FBN2: variants seen among roughly 807,000 people sequenced by gnomAD.
FBN2 encodes the protein fibrillin-2.
FBN2 carries 105 observed loss-of-function variants against 355.6 expected under a neutral mutation model. That is an observed-to-expected ratio of 0.30 (90% CI 0.25 to 0.35). FBN2 has a LOEUF of 0.35. FBN2 is among the 10% of genes least tolerant of loss of function. The probability of loss-of-function intolerance (pLI) is 1.00; values close to 1 mark genes in which losing one functional copy is unlikely to be tolerated. For synonymous variants in FBN2, 1,350 were observed against 1,301.2 expected, an observed-to-expected ratio of 1.04 and a Z score of -0.81; for missense variants, 3,280 against 3,758.7, an observed-to-expected ratio of 0.87 and a Z score of 3.33.
chr5:128,314,526 C>A (rs1469693535), intron 36 of FBN2, among the ~76,000 whole-genome samples: 1 of 152,002 alleles, frequency 6.6e-6, no homozygotes, highest in Non-Finnish European at 1.5e-5. Context: ...CCATGTTGGC[C>A]AGGATGGTCT....
chr5:128,399,716 C>T (rs1752745867), intron 8 of FBN2, among the ~76,000 whole-genome samples: 1 of 151,850 alleles, frequency 6.6e-6, no homozygotes, highest in Non-Finnish European at 1.5e-5. Context: ...CTTAAATATT[C>T]TTTTATTATT....
intron 4 of FBN2, among the ~76,000 whole-genome samples, chr5:128,525,094 T>C (rs1371327332): frequency 6.6e-6 from 1 of 152,172 alleles, no homozygotes; most frequent in Non-Finnish European, 1.5e-5. Flanking sequence ...TACACACGTA[T>C]GCCCAAGGCA....
intron 7 of FBN2, among the ~76,000 whole-genome samples, chr5:128,427,309 T>C (rs992252289): frequency 6.6e-6 from 1 of 152,152 alleles, no homozygotes; most frequent in African/African-American, 2.4e-5. Context: ...AAGGTAATAG[T>C]AGCTTAAAAC....
intron 59 of FBN2, among the ~76,000 whole-genome samples, chr5:128,275,603 A>C (rs1765374277): frequency 6.6e-6 from 1 of 152,152 alleles, no homozygotes; most frequent in Admixed American, 6.5e-5. Flanking sequence ...GATCTAATTT[A>C]GCTTGATAAA....
intron 3 of FBN2, among the ~76,000 whole-genome samples, 161 bp from the exon 4 acceptor site, chr5:128,528,128 T>C (rs1176877305): frequency 6.6e-6 from 1 of 152,208 alleles, no homozygotes; most frequent in East Asian, 1.9e-4. Context: ...CATCATTTCT[T>C]TATAAGTGCA....
In FBN2 at chr5:128,266,826, ATAT is replaced by A. The variant is rs1016407830; in HGVS notation, c.7961-3173_7961-3171del. Among the ~76,000 whole-genome samples, 184 of 150,724 alleles carry A rather than the reference ATAT, an allele frequency of 1.2e-3. 2 individuals carry two copies. Among genetic ancestry groups the A allele is most frequent in the African/African-American group, 4.3e-3 (177 of 41,256 alleles). On this transcript the variant is annotated intron_variant, in intron 62 of 64. Transcript: ENST00000262464. ...TATTGTAATATAATAAAATTGTTTT[ATAT>A]TATTATTATATTTATTTATTTATTT...
At chr5:128,344,861 C>G (rs947860729) in intron 24 of FBN2, among the ~76,000 whole-genome samples, 3 of 152,042 alleles carry the variant, frequency 2.0e-5, no homozygotes, top group Non-Finnish European at 2.9e-5. Context: ...CCACCACGCC[C>G]GGCTAATTTT....
At chr5:128,319,030 T>C (rs767154895) in intron 34 of FBN2, 29 bp from the exon 35 acceptor site, 2 of 1,552,910 alleles carry the variant, frequency 1.3e-6, no homozygotes, top group South Asian at 2.2e-5. Flanking sequence ...AGTAATCTCT[T>C]ATTTAAGAAG....
chr5:128,471,265 C>A (rs76435396), intron 5 of FBN2, among the ~76,000 whole-genome samples: 18,312 of 151,774 alleles, frequency 0.12, 1,231 homozygotes, highest in African/African-American at 0.18. Context: ...CCATGTATTT[C>A]AATGATGAGG....
At chr5:128,507,343 G>A (rs780952709) in intron 5 of FBN2, among the ~76,000 whole-genome samples, 34 of 151,938 alleles carry the variant, frequency 2.2e-4, no homozygotes, top group Non-Finnish European at 4.3e-4. Context: ...AATCCATAGA[G>A]GCTCAAGTCC....
At chr5:128,265,779 T>C (rs1214044469) in intron 62 of FBN2, among the ~76,000 whole-genome samples, 2 of 152,260 alleles carry the variant, frequency 1.3e-5, no homozygotes, top group Non-Finnish European at 2.9e-5. Flanking sequence ...AAGTGTTAGT[T>C]TGAACTGAAA....
At chr5:128,445,816 T>TA (rs1754049870) in intron 7 of FBN2, among the ~76,000 whole-genome samples, 3 of 152,310 alleles carry the variant, frequency 2.0e-5, no homozygotes, top group South Asian at 4.1e-4. Context: ...ATAAAAATGA[T>TA]ACAGGTTTTG....
At chr5:128,393,396 C>T (rs753571539) in intron 9 of FBN2, 28 bp from the exon 10 acceptor site, 35 of 1,592,942 alleles carry the variant, frequency 2.2e-5, no homozygotes, top group Non-Finnish European at 2.7e-5. Context: ...TGGCATTAAG[C>T]ACAGGTGAAT....
chr5:128,511,567 A>C (rs1756130463), intron 5 of FBN2, among the ~76,000 whole-genome samples: 1 of 152,202 alleles, frequency 6.6e-6, no homozygotes, highest in Non-Finnish European at 1.5e-5. Context: ...CACTGTGTGG[A>C]GTATAAGAAA....
At chr5:128,413,647 C>T (rs1446998242) in intron 7 of FBN2, among the ~76,000 whole-genome samples, 2 of 152,080 alleles carry the variant, frequency 1.3e-5, no homozygotes, top group African/African-American at 4.8e-5. Flanking sequence ...GTAGTGATAA[C>T]ATGATCTCAG....
chr5:128,358,111 A>C (rs1667375445), intron 19 of FBN2, among the ~76,000 whole-genome samples: 1 of 152,198 alleles, frequency 6.6e-6, no homozygotes, highest in Admixed American at 6.5e-5. Flanking sequence ...GTCAGAAGTA[A>C]GCAGAACTGC....
Position 128,272,091 on chromosome 5 carries a change from C to T in FBN2, c.7868G>A (p.Arg2623Lys). The change falls in exon 62 of 65, where the codon AGG becomes AAG. Residue 2623 changes from arginine (R) to lysine (K), a missense_variant. Transcript: ENST00000262464. ...EDVDECDGNH[R>K]CQHGCQNILG... ...GATGTTCTGGCAGCCGTGTTGGCAC[C>T]TGTGGTTCCCATCACATTCATCAAC... 1 of 1,614,058 alleles carries T rather than the reference C, an allele frequency of 6.2e-7. No homozygotes were observed. The highest frequency in any genetic ancestry group is 8.5e-7 in the Non-Finnish European group (1 of 1,179,968).
intron 63 of FBN2, 105 bp downstream of exon 63, chr5:128,263,320 C>A (rs55691384): frequency 1.1e-5 from 9 of 835,746 alleles, no homozygotes; most frequent in South Asian, 4.0e-5. Context: ...AATGCTTTTG[C>A]GGTTTGGCTT....
intron 5 of FBN2, among the ~76,000 whole-genome samples, chr5:128,504,586 G>A (rs1014269502): frequency 6.6e-6 from 1 of 152,202 alleles, no homozygotes; most frequent in Non-Finnish European, 1.5e-5. Context: ...AGACTTGCAT[G>A]AGGCTTGTAG....
Sources: gnomAD v4.1 joint callset for allele counts (sites outside exome capture counted in the v4.1 genomes callset) on GRCh38, gnomAD v4.1.1 for gene constraint, MANE v1.5 for transcripts, NCBI Gene and HGNC (gene_info 2026-07-23, HGNC 2026-07-21) for gene names.